Variants in PLCB4 observed in about 807,000 individuals in gnomAD.
The protein encoded by PLCB4 is phospholipase C beta 4.
In PLCB4, 77 loss-of-function variants were observed where a neutral mutation model predicts 178.8. The observed-to-expected ratio is 0.43, with a 90% CI of 0.36 to 0.52. The LOEUF (loss-of-function observed/expected upper bound fraction) is 0.52. Among genes scored for constraint, PLCB4 ranks in the 20% least tolerant of loss-of-function variants. The pLI, the probability that PLCB4 is intolerant of heterozygous loss-of-function variation, is 0.00. For missense variants in PLCB4, 1,024 were observed against 1,453.4 expected (o/e 0.70, Z 4.80); for synonymous variants, 496 against 490.8 (o/e 1.01, Z -0.14).
rs548089642 is a variant in PLCB4, at chr20:9,132,640, T to A, written c.-79+36298T>A. 5.3e-5 allele frequency among the ~76,000 whole-genome samples: 8 copies of A among 152,340 alleles called. No homozygotes were observed. In the East Asian group the frequency reaches 1.5e-3, roughly 29 times the overall value. On this transcript the variant is annotated intron_variant, in intron 2 of 39. Coordinates refer to ENST00000378473, the MANE Select transcript of PLCB4 (RefSeq NM_001377142.1). Reference sequence around the variant, plus strand: ...ACTCTTGATATCCTTATAAAAGTGCTTGTAAGCATGGACACAGATATGTGG... The same window carrying A: ...ACTCTTGATATCCTTATAAAAGTGCATGTAAGCATGGACACAGATATGTGG...
chr20:9,343,912 C>T (rs1475195346), intron 7 of PLCB4, among the ~76,000 whole-genome samples: 4 of 152,210 alleles, frequency 2.6e-5, no homozygotes, highest in Admixed American at 6.5e-5. Context: ...CTGCTCCTCA[C>T]CAACGTCATC....
chr20:9,239,968 C>T (rs1294760481), intron 3 of PLCB4, among the ~76,000 whole-genome samples: 1 of 152,160 alleles, frequency 6.6e-6, no homozygotes, highest in Non-Finnish European at 1.5e-5. Flanking sequence ...CTTCTCTTGC[C>T]TGCTTTATTC....
intron 2 of PLCB4, among the ~76,000 whole-genome samples, chr20:9,097,467 A>G (rs532236846): frequency 6.3e-4 from 96 of 152,052 alleles, no homozygotes; most frequent in African/African-American, 1.8e-3. Flanking sequence ...TTTTAAGGTC[A>G]CAGTGGTCAA....
intron 1 of PLCB4, among the ~76,000 whole-genome samples, chr20:9,074,262 C>G (rs2089718863): frequency 6.6e-6 from 1 of 152,186 alleles, no homozygotes; most frequent in African/African-American, 2.4e-5. Flanking sequence ...ATACAGGGTA[C>G]TGTTACTGCT....
At chr20:9,194,427 G>A (rs934606887) in intron 2 of PLCB4, among the ~76,000 whole-genome samples, 12 of 151,962 alleles carry the variant, frequency 7.9e-5, no homozygotes, top group African/African-American at 2.4e-4. Flanking sequence ...TGGCTCATAC[G>A]TGTAATCCCA....
chr20:9,421,512 T>C (rs753930893), intron 27 of PLCB4, 51 bp downstream of exon 27: 2 of 1,497,882 alleles, frequency 1.3e-6, no homozygotes, highest in South Asian at 1.2e-5. Context: ...GGGAGCCATG[T>C]TTTAGTTCAC....
At chr20:9,265,805 A>T (rs552486895) in intron 3 of PLCB4, among the ~76,000 whole-genome samples, 2 of 152,178 alleles carry the variant, frequency 1.3e-5, no homozygotes, top group Non-Finnish European at 2.9e-5. Flanking sequence ...GCCCTGCCTC[A>T]GTGGGTCAAA....
chr20:9,340,806 A>C lies in PLCB4; in HGVS notation c.369+1769A>C, dbSNP rs537103498. Among the ~76,000 whole-genome samples the C allele has an allele frequency of 6.6e-5, 10 of 152,242 alleles. No individual in the cohort carries two copies. In the South Asian group the frequency reaches 2.1e-3, roughly 32 times the overall value. On this transcript the variant is annotated intron_variant, in intron 7 of 39. Transcript: ENST00000378473. ...TCATCTGTAAAATGGGAACAGTACT[A>C]GAATATCTGCTCTTAGGATGATTGT... is the stretch of plus-strand genomic sequence containing the variant.
At chr20:9,091,667 A>T (rs1316580232) in intron 1 of PLCB4, among the ~76,000 whole-genome samples, 1 of 150,770 alleles carries the variant, frequency 6.6e-6, no homozygotes, top group Non-Finnish European at 1.5e-5. Context: ...GACTGCATGA[A>T]ATACTAGATG....
chr20:9,411,188 AG>A (rs2039832698), intron 25 of PLCB4, 100 bp downstream of exon 25: 2 of 814,432 alleles, frequency 2.5e-6, no homozygotes, highest in Non-Finnish European at 4.1e-6. Flanking sequence ...ACAGAATTTA[AG>A]CTGGGTTTGA....
intron 7 of PLCB4, among the ~76,000 whole-genome samples, chr20:9,361,903 T>G (rs1464395333): frequency 1.3e-5 from 2 of 152,200 alleles, no homozygotes; most frequent in African/African-American, 4.8e-5. Flanking sequence ...AATGAGACAC[T>G]GAACTTTATA....
chr20:9,113,629 TA>T (rs1451088244), intron 2 of PLCB4, among the ~76,000 whole-genome samples: 3 of 152,232 alleles, frequency 2.0e-5, no homozygotes, highest in Admixed American at 6.5e-5. Context: ...GTTAAAATGC[TA>T]AATTTTATTT....
intron 2 of PLCB4, among the ~76,000 whole-genome samples, chr20:9,097,179 C>G (rs900713636): frequency 3.3e-5 from 5 of 151,584 alleles, no homozygotes; most frequent in Non-Finnish European, 5.9e-5. Flanking sequence ...AAGTGAGCTG[C>G]CTACCCCGGC....
At chr20:9,125,885 C>T (rs2092100110) in intron 2 of PLCB4, among the ~76,000 whole-genome samples, 1 of 152,152 alleles carries the variant, frequency 6.6e-6, no homozygotes, top group Non-Finnish European at 1.5e-5. Context: ...TGACCAGAAC[C>T]ATCCCCTCTT....
intron 1 of PLCB4, among the ~76,000 whole-genome samples, chr20:9,081,756 C>A (rs2146518316): frequency 4.6e-5 from 3 of 65,686 alleles, no homozygotes; most frequent in Non-Finnish European, 3.0e-5. Context: ...GGAAAACAAT[C>A]TGATGATTAA....
chr20:9,129,070 C>T (rs889654293), intron 2 of PLCB4, among the ~76,000 whole-genome samples: 2 of 152,128 alleles, frequency 1.3e-5, no homozygotes, highest in African/African-American at 4.8e-5. Context: ...ATCCCTCATC[C>T]ATCAATGGAC....
At chr20:9,393,737 C>T in intron 18 of PLCB4, 59 bp downstream of exon 18, 1 of 1,114,768 alleles carries the variant, frequency 9.0e-7, no homozygotes, top group Non-Finnish European at 1.4e-6. Flanking sequence ...GACATTTCAG[C>T]TGTTGAGAAT....
rs769218592 is a variant in PLCB4 at position 9,265,584 on chromosome 20, T to G, written c.-15-42216T>G. On this transcript the variant is annotated intron_variant, in intron 3 of 39. Coordinates refer to ENST00000378473, the MANE Select transcript of PLCB4 (RefSeq NM_001377142.1). Reference sequence around the variant, plus strand: ...GGGTCACAACAAAATAATAGAGTTCTGATTCTCACAGTGTTTTCGTTACCA... The same window carrying G: ...GGGTCACAACAAAATAATAGAGTTCGGATTCTCACAGTGTTTTCGTTACCA... Among the ~76,000 whole-genome samples the G allele has an allele frequency of 3.3e-5, 5 of 152,200 alleles. 1 individual carries two copies. The highest frequency in any genetic ancestry group is 2.0e-4 in the Admixed American group (3 of 15,266).
chr20:9,247,982 T>G (rs1373384965), intron 3 of PLCB4, among the ~76,000 whole-genome samples: 5 of 152,290 alleles, frequency 3.3e-5, no homozygotes, highest in Non-Finnish European at 7.4e-5. Flanking sequence ...AAGCCCCGAC[T>G]TACAGCAGCA....
Sources: gnomAD v4.1 joint callset for allele counts (sites outside exome capture counted in the v4.1 genomes callset) on GRCh38, gnomAD v4.1.1 for gene constraint, MANE v1.5 for transcripts, NCBI Gene and HGNC (gene_info 2026-07-23, HGNC 2026-07-21) for gene names.